The following VSX2 variants were observed in gnomAD, a reference collection of about 807,000 sequenced individuals.
VSX2 encodes the protein visual system homeobox 2.
In VSX2, 28 loss-of-function variants were observed where a neutral mutation model predicts 32.1. That is an observed-to-expected ratio of 0.87 (90% CI 0.65 to 1.20). The LOEUF (loss-of-function observed/expected upper bound fraction) is 1.20, where lower values mean the gene tolerates loss of function less well. Ranked by LOEUF, VSX2 falls within the 50% of genes most tolerant of loss-of-function variation. VSX2 has a pLI of 0.00. For synonymous variants in VSX2, 243 were observed against 214.1 expected, an observed-to-expected ratio of 1.14 and a Z score of -1.18; for missense variants, 506 against 488.7, an observed-to-expected ratio of 1.04 and a Z score of -0.33.
At chr14:74,246,222 C>T (rs113804144) in intron 3 of VSX2, among the ~76,000 whole-genome samples, 11 of 152,344 alleles carry the variant, frequency 7.2e-5, no homozygotes, top group African/African-American at 1.4e-4. Context: ...TAGTTCATTG[C>T]GGAGGCTGGG....
intron 3 of VSX2, among the ~76,000 whole-genome samples, chr14:74,249,688 T>TACCAA (rs1294277936): frequency 2.0e-5 from 3 of 152,190 alleles, no homozygotes; most frequent in Admixed American, 1.3e-4. Flanking sequence ...TCAAACCCAG[T>TACCAA]ACTCAGCTAC....
intron 1 of VSX2, 49 bp from the exon 2 acceptor site, chr14:74,241,133 G>A (rs748514922): frequency 1.3e-6 from 2 of 1,594,742 alleles, no homozygotes; most frequent in South Asian, 1.1e-5. Flanking sequence ...TTCGGGCACA[G>A]CGGAGCGCGT....
chr14:74,257,071 G>C (rs2079268392), intron 3 of VSX2, among the ~76,000 whole-genome samples: 1 of 152,136 alleles, frequency 6.6e-6, no homozygotes, highest in African/African-American at 2.4e-5. Context: ...AGGATGATGG[G>C]GCAGGATTGA....
intron 3 of VSX2, among the ~76,000 whole-genome samples, chr14:74,249,924 C>T (rs1566886041): frequency 2.0e-5 from 3 of 152,092 alleles, no homozygotes; most frequent in Non-Finnish European, 4.4e-5. Flanking sequence ...CCACATCAGA[C>T]TCAGGCACAC....
chr14:74,239,462 G>A lies in VSX2; in HGVS notation c.-100G>A. The A allele has an allele frequency of 6.6e-7, 1 of 1,510,732 alleles. No homozygotes were observed. The highest frequency in any genetic ancestry group is 9.0e-7 in the Non-Finnish European group (1 of 1,113,838). The allele number at this position is 1,510,732 out of a possible 1,614,324, so 93.6% of individuals were successfully genotyped here. A position where few individuals can be genotyped will look rare whatever the true frequency, so the allele number is the denominator to read the frequency against. On this transcript the variant is annotated 5_prime_UTR_variant, in exon 1 of 5. Coordinates refer to ENST00000261980, the MANE Select transcript of VSX2 (RefSeq NM_182894.3). ...CTTGGGCTCCAGAGCATTAGACACC[G>A]GAGGGGGCACCTGGGACCAACTTCG...
intron 3 of VSX2, among the ~76,000 whole-genome samples, chr14:74,252,484 G>A (rs1413191277): frequency 7.7e-6 from 1 of 130,520 alleles, no homozygotes; most frequent in Non-Finnish European, 1.7e-5. Context: ...TCTGCCTCCC[G>A]AGTTCAAGCG....
intron 2 of VSX2, among the ~76,000 whole-genome samples, chr14:74,242,103 C>A (rs2079154166): frequency 6.9e-6 from 1 of 145,124 alleles, no homozygotes. Context: ...GCTACCAGTT[C>A]CTTGGGTACA....
At chr14:74,244,925 T>TGAGAGAGAGAAAGAGAGAGAGAAA (rs1161610243) in intron 2 of VSX2, among the ~76,000 whole-genome samples, 1 of 41,954 alleles carries the variant, frequency 2.4e-5, no homozygotes, top group Non-Finnish European at 6.2e-5. Context: ...TGTGTGTGTG[T>TGAGAGAGAGAAAGAGAGAGAGAAA]GTGTGAAAGA....
chr14:74,248,992 C>T (rs1244879791), intron 3 of VSX2, among the ~76,000 whole-genome samples: 1 of 152,200 alleles, frequency 6.6e-6, no homozygotes, highest in Non-Finnish European at 1.5e-5. Flanking sequence ...GGAGCATACA[C>T]CCCTGCTGGG....
In VSX2 at chr14:74,242,700, G is replaced by C. The variant is rs74908072; in HGVS notation, c.455+1434G>C. 4.4e-3 allele frequency among the ~76,000 whole-genome samples: 660 copies of C among 151,610 alleles called. 13 individuals carry two copies. The highest frequency in any genetic ancestry group is 0.015 in the African/African-American group (636 of 41,282). ...ATGCACCCATCTTACGCGGGTCCCA[G>C]GGTGGGTAATCTTGTCATCTTCCCC... is the stretch of plus-strand genomic sequence containing the variant. On this transcript the variant is annotated intron_variant, in intron 2 of 4. Coordinates refer to ENST00000261980, the MANE Select transcript of VSX2 (RefSeq NM_182894.3).
chr14:74,247,797 G>A (rs1032845156), intron 3 of VSX2, among the ~76,000 whole-genome samples: 2 of 117,656 alleles, frequency 1.7e-5, no homozygotes, highest in Admixed American at 2.0e-4. Flanking sequence ...ACCAGGCACT[G>A]TTTAAAAAAA....
intron 3 of VSX2, among the ~76,000 whole-genome samples, chr14:74,253,558 C>T (rs114482743): frequency 0.01 from 1,573 of 152,336 alleles, 32 homozygotes; most frequent in African/African-American, 0.035. Context: ...ATTTCCCACA[C>T]GCTGTTTAAT....
intron 3 of VSX2, among the ~76,000 whole-genome samples, chr14:74,254,083 T>C (rs1190714692): frequency 6.6e-6 from 1 of 152,064 alleles, no homozygotes; most frequent in African/African-American, 2.4e-5. Flanking sequence ...TGTTCCCCTG[T>C]ACTGGAGCCT....
Position 74,245,106 on chromosome 14 carries a change from G to A in VSX2, c.456-59G>A, listed in dbSNP as rs978180873. 3.1e-6 allele frequency: 5 copies of A among 1,608,652 alleles called. No homozygotes were observed. The Admixed American group carries it at 5.0e-5, about 16-fold the overall frequency. On this transcript the variant is annotated intron_variant, in intron 2 of 4. Transcript: ENST00000261980. The stretch of plus-strand genomic sequence containing the variant: ...ACACAGAGGAAGGCGGTTCTGTCTT[G>A]TCTGAGACAGGCTCTTTTAGTTTCT...
At chr14:74,247,363 C>G (rs1241047125) in intron 3 of VSX2, among the ~76,000 whole-genome samples, 1 of 152,172 alleles carries the variant, frequency 6.6e-6, no homozygotes, top group Admixed American at 6.5e-5. Flanking sequence ...GGCTCCTGGC[C>G]GGGCTTCACA....
At position 74,239,514 on chromosome 14, in the gene VSX2, G is replaced by A. The variant is rs543441501; in HGVS notation, c.-48G>A. 7.1e-5 allele frequency: 110 copies of A among 1,547,808 alleles called. No homozygotes were observed. Among genetic ancestry groups the A allele is most frequent in the Non-Finnish European group, 9.2e-5 (105 of 1,145,992 alleles). ...GAAGCGGGAAGCCCGGCGGGGGGGT[G>A]GGGGGAGCTAAAGACCTGCGGCCTC... On this transcript the variant is annotated 5_prime_UTR_variant, in exon 1 of 5. Transcript: ENST00000261980.
chr14:74,247,860 A>G (rs569717990), intron 3 of VSX2, among the ~76,000 whole-genome samples: 1 of 152,072 alleles, frequency 6.6e-6, no homozygotes, highest in South Asian at 2.1e-4. Flanking sequence ...GAATGGGCAA[A>G]TTCTGTACAT....
Position 74,239,745 on chromosome 14 carries a change from C to G in VSX2, c.184C>G (p.Leu62Val). 1 of 1,549,712 alleles carries G rather than the reference C, an allele frequency of 6.5e-7. No individual in the cohort carries two copies. The change falls in exon 1 of 5, where the codon CTG (leucine) becomes GTG (valine). Residue 62 changes from leucine (L) to valine (V), a missense_variant. Coordinates refer to ENST00000261980, the MANE Select transcript of VSX2 (RefSeq NM_182894.3). The part of the protein sequence containing the change: ...ALDGLAPGHL[L>V]AARSVLSPAG... ...CGACGGCCTGGCCCCCGGGCACTTG[C>G]TGGCGGCGCGCTCAGTGCTCAGCCC...
chr14:74,241,352 T>C (rs1355968527), intron 2 of VSX2, 86 bp downstream of exon 2: 16 of 1,439,892 alleles, frequency 1.1e-5, no homozygotes, highest in Non-Finnish European at 1.4e-5. Flanking sequence ...CGGACCCTAT[T>C]TTCGCCGACA....
Sources: gnomAD v4.1 joint callset for allele counts (sites outside exome capture counted in the v4.1 genomes callset) on GRCh38, gnomAD v4.1.1 for gene constraint, MANE v1.5 for transcripts, NCBI Gene and HGNC (gene_info 2026-07-23, HGNC 2026-07-21) for gene names.